Variants in STXBP5L observed in about 807,000 individuals in gnomAD.
The protein encoded by STXBP5L is syntaxin binding protein 5L.
Under a neutral mutation model 144.5 loss-of-function variants are expected in STXBP5L, and 65 were observed. The ratio of observed to expected loss-of-function variants is 0.45; its 90% CI spans 0.37 to 0.55. The LOEUF (loss-of-function observed/expected upper bound fraction) is 0.55. Among genes scored for constraint, STXBP5L ranks in the 20% least tolerant of loss-of-function variants. The pLI is 0.00. For missense variants in STXBP5L, 1,298 were observed against 1,405.5 expected, an observed-to-expected ratio of 0.92 and a Z score of 1.22; for synonymous variants, 505 against 469.6, an observed-to-expected ratio of 1.08 and a Z score of -0.97.
Position 121,345,003 on chromosome 3 carries a change from T to C in STXBP5L, c.2176+26463T>C, listed in dbSNP as rs201159162. On this transcript the variant is annotated intron_variant, in intron 20 of 26. Coordinates refer to ENST00000471454, the MANE Select transcript of STXBP5L (RefSeq NM_001308330.2). ...TTTTTGTATATATAAAAAAAGTAAGTACAGAAAGCATATTTTTTAATTAAA... is the reference window on the plus strand; with the variant it reads ...TTTTTGTATATATAAAAAAAGTAAGCACAGAAAGCATATTTTTTAATTAAA... 9.2e-5 allele frequency among the ~76,000 whole-genome samples: 14 copies of C among 151,430 alleles called. No individual in the cohort carries two copies. The East Asian group carries it at 1.9e-3, about 21-fold the overall frequency.
chr3:120,956,440 G>C (rs1938047856), intron 3 of STXBP5L, among the ~76,000 whole-genome samples: 1 of 151,616 alleles, frequency 6.6e-6, no homozygotes, highest in Non-Finnish European at 1.5e-5. Context: ...CTTCTTTTTT[G>C]TGACTGGCTT....
chr3:121,389,566 G>C (rs1170923185), intron 22 of STXBP5L, among the ~76,000 whole-genome samples: 1 of 152,192 alleles, frequency 6.6e-6, no homozygotes, highest in East Asian at 1.9e-4. Context: ...ACATGTCCCA[G>C]AGATCCTGGT....
chr3:121,264,842 G>A (rs339005), intron 18 of STXBP5L, among the ~76,000 whole-genome samples: 5,595 of 148,438 alleles, frequency 0.038, 154 homozygotes, highest in Middle Eastern at 0.088. Flanking sequence ...CTTAGTCTCT[G>A]ATAAAACAGA....
chr3:121,264,808 A>C (rs905972517), intron 18 of STXBP5L, among the ~76,000 whole-genome samples: 42 of 138,840 alleles, frequency 3.0e-4, no homozygotes, highest in Admixed American at 2.6e-3. Flanking sequence ...GAAAGCACAA[A>C]AAAAAAAAAA....
chr3:121,193,037 C>T (rs927816110), intron 9 of STXBP5L, among the ~76,000 whole-genome samples: 1 of 142,902 alleles, frequency 7.0e-6, no homozygotes, highest in South Asian at 2.4e-4. Flanking sequence ...GAATAGGCAA[C>T]CTACAGAATG....
At chr3:121,080,595 G>T (rs1307585339) in intron 5 of STXBP5L, among the ~76,000 whole-genome samples, 6 of 152,106 alleles carry the variant, frequency 3.9e-5, no homozygotes, top group Non-Finnish European at 1.5e-5. Flanking sequence ...AATTTTGCTG[G>T]ATACCAAATT....
chr3:121,354,157 G>A (rs1406093784), intron 20 of STXBP5L, among the ~76,000 whole-genome samples: 1 of 152,164 alleles, frequency 6.6e-6, no homozygotes, highest in Non-Finnish European at 1.5e-5. Context: ...TGTATATTCT[G>A]TTGATTTGGG....
At chr3:121,191,698 C>T (rs764101229) in intron 9 of STXBP5L, among the ~76,000 whole-genome samples, 8 of 152,038 alleles carry the variant, frequency 5.3e-5, no homozygotes, top group South Asian at 2.1e-4. Context: ...TTCTCCAACC[C>T]GAATGTCCAT....
intron 2 of STXBP5L, among the ~76,000 whole-genome samples, chr3:120,948,216 C>G (rs1051069731): frequency 6.6e-6 from 1 of 151,142 alleles, no homozygotes; most frequent in Non-Finnish European, 1.5e-5. Flanking sequence ...GAGGATCTTT[C>G]GGTGTTTATT....
rs143322269 is a variant in STXBP5L, at chr3:121,072,026, G to A, written c.470+26491G>A. ...TTAACTTTTCCAGAACTTTGTGGGC[G>A]ATAAGCTGTATGCAGTTTCCATTTG... On this transcript the variant is annotated intron_variant, in intron 5 of 26. Transcript: ENST00000471454. Among the ~76,000 whole-genome samples, 281 of 152,330 alleles carry A rather than the reference G, an allele frequency of 1.8e-3. 2 individuals carry two copies. The highest frequency in any genetic ancestry group is 6.4e-3 in the African/African-American group (268 of 41,580).
intron 7 of STXBP5L, among the ~76,000 whole-genome samples, chr3:121,146,413 A>G (rs1395496759): frequency 6.6e-6 from 1 of 152,028 alleles, no homozygotes; most frequent in Non-Finnish European, 1.5e-5. Flanking sequence ...ATAAGAAAAA[A>G]CTACTAACCA....
At chr3:121,019,051 G>A (rs1053819134) in intron 3 of STXBP5L, among the ~76,000 whole-genome samples, 10 of 152,196 alleles carry the variant, frequency 6.6e-5, no homozygotes, top group Non-Finnish European at 1.3e-4. Context: ...AGTGAAACTG[G>A]CCTTTCGGCT....
chr3:121,393,891 G>A (rs2046658760), intron 22 of STXBP5L, among the ~76,000 whole-genome samples: 1 of 151,940 alleles, frequency 6.6e-6, no homozygotes, highest in South Asian at 2.1e-4. Flanking sequence ...TTTTTGCTTA[G>A]GATTTCTTTG....
At chr3:120,978,790 G>A (rs190732551) in intron 3 of STXBP5L, among the ~76,000 whole-genome samples, 3 of 152,198 alleles carry the variant, frequency 2.0e-5, no homozygotes, top group Non-Finnish European at 4.4e-5. Context: ...CAGGTCTGTT[G>A]GAGTTTGCTA....
chr3:121,037,242 T>C (rs1208391896), intron 3 of STXBP5L, among the ~76,000 whole-genome samples: 1 of 151,498 alleles, frequency 6.6e-6, no homozygotes, highest in Non-Finnish European at 1.5e-5. Context: ...TTTTTTTTTT[T>C]CTGTCTTTTT....
chr3:121,216,645 T>C (rs1412800649), intron 10 of STXBP5L, among the ~76,000 whole-genome samples: 2 of 152,176 alleles, frequency 1.3e-5, no homozygotes, highest in East Asian at 3.9e-4. Flanking sequence ...TGTCTCCCAA[T>C]CAGGAGGCAT....
At chr3:121,111,484 C>A (rs1432319716) in intron 5 of STXBP5L, among the ~76,000 whole-genome samples, 2 of 152,150 alleles carry the variant, frequency 1.3e-5, no homozygotes, top group Non-Finnish European at 2.9e-5. Flanking sequence ...CGGTCAGGCC[C>A]CTCTTCTGGT....
chr3:121,297,207 T>TGC (rs2051690857), intron 19 of STXBP5L, among the ~76,000 whole-genome samples: 1 of 28,052 alleles, frequency 3.6e-5, no homozygotes, highest in Non-Finnish European at 8.7e-5. Context: ...ATTATATGTG[T>TGC]GTGTGTGTGT....
chr3:121,217,341 G>T (rs982059335), intron 10 of STXBP5L, among the ~76,000 whole-genome samples: 1 of 152,152 alleles, frequency 6.6e-6, no homozygotes, highest in Non-Finnish European at 1.5e-5. Flanking sequence ...CCTTGTCTGC[G>T]GGTTGCGAAG....
Sources: allele counts gnomAD v4.1 joint callset (sites outside exome capture counted in the v4.1 genomes callset), GRCh38; gene constraint gnomAD v4.1.1; transcripts MANE v1.5; gene names NCBI Gene and HGNC (gene_info 2026-07-23, HGNC 2026-07-21).